MIPOL1: variants seen among roughly 807,000 people sequenced by gnomAD.
The protein encoded by MIPOL1 is mirror-image polydactyly gene 1 protein.
In MIPOL1, 57 loss-of-function variants were observed where a neutral mutation model predicts 60.9. That is an observed-to-expected ratio of 0.94 (90% CI 0.76 to 1.17). The LOEUF (loss-of-function observed/expected upper bound fraction) is 1.17, where lower values mean the gene tolerates loss of function less well. MIPOL1 is among the 50% of genes most tolerant of loss of function. The probability of loss-of-function intolerance (pLI) is 0.00; values close to 1 mark genes in which losing one functional copy is unlikely to be tolerated. For missense variants in MIPOL1, 551 were observed against 511.6 expected (o/e 1.08, Z -0.74); for synonymous variants, 179 against 168.8 (o/e 1.06, Z -0.47).
At chr14:37,382,525 T>C (rs1437653469) in intron 10 of MIPOL1, among the ~76,000 whole-genome samples, 2 of 152,060 alleles carry the variant, frequency 1.3e-5, no homozygotes, top group African/African-American at 4.8e-5. Context: ...CAAACTAATC[T>C]TTATTTTAAT....
chr14:37,307,996 C>A, intron 7 of MIPOL1, 60 bp from the exon 8 acceptor site: 1 of 1,404,022 alleles, frequency 7.1e-7, no homozygotes, highest in Non-Finnish European at 9.9e-7. Context: ...AAAAAGCGAA[C>A]TCATTTTGCT....
At chr14:37,287,939 C>T (rs1002612171) in intron 7 of MIPOL1, among the ~76,000 whole-genome samples, 1 of 151,844 alleles carries the variant, frequency 6.6e-6, no homozygotes, top group Non-Finnish European at 1.5e-5. Flanking sequence ...AGAATTTTCT[C>T]GTAAATTGTT....
chr14:37,369,494 A>G, intron 9 of MIPOL1, 23 bp from the exon 10 acceptor site: 2 of 1,575,698 alleles, frequency 1.3e-6, no homozygotes, highest in Admixed American at 1.7e-5. Flanking sequence ...CCTTTACTTA[A>G]TGGGATTCTT....
chr14:37,293,022 T>A (rs755375023), intron 7 of MIPOL1, among the ~76,000 whole-genome samples: 2 of 152,180 alleles, frequency 1.3e-5, no homozygotes, highest in Non-Finnish European at 2.9e-5. Flanking sequence ...TATCCTAATT[T>A]CATGGGGATA....
chr14:37,495,196 T>A (rs1379938850), intron 11 of MIPOL1, among the ~76,000 whole-genome samples: 2 of 150,850 alleles, frequency 1.3e-5, no homozygotes, highest in African/African-American at 2.4e-5. Context: ...TAGTTACATA[T>A]GTATACATGT....
chr14:37,487,827 A>G (rs530004160), intron 11 of MIPOL1, among the ~76,000 whole-genome samples: 8 of 151,944 alleles, frequency 5.3e-5, no homozygotes, highest in Non-Finnish European at 8.8e-5. Flanking sequence ...CTGTGTCTCT[A>G]TCTCCTTCAG....
intron 9 of MIPOL1, among the ~76,000 whole-genome samples, chr14:37,316,704 A>G (rs2153441752): frequency 6.6e-6 from 1 of 152,000 alleles, no homozygotes; most frequent in South Asian, 2.1e-4. Context: ...GGGATAAAAA[A>G]GATAATTGCA....
At chr14:37,294,462 T>A (rs907585679) in intron 7 of MIPOL1, among the ~76,000 whole-genome samples, 2 of 152,056 alleles carry the variant, frequency 1.3e-5, no homozygotes, top group African/African-American at 4.8e-5. Flanking sequence ...GGATGGAGAA[T>A]GACTTGACGA....
intron 3 of MIPOL1, among the ~76,000 whole-genome samples, chr14:37,249,400 T>G (rs2153359431): frequency 6.6e-6 from 1 of 152,218 alleles, no homozygotes; most frequent in South Asian, 2.1e-4. Context: ...TTATACATTC[T>G]TTTGAGTTAT....
chr14:37,497,141 A>G (rs1460905612), intron 11 of MIPOL1, among the ~76,000 whole-genome samples: 1 of 152,166 alleles, frequency 6.6e-6, no homozygotes, highest in Admixed American at 6.5e-5. Flanking sequence ...ACAAAAATCA[A>G]TTCAAGATGG....
intron 12 of MIPOL1, among the ~76,000 whole-genome samples, chr14:37,515,077 T>C (rs1038105725): frequency 6.6e-6 from 1 of 152,188 alleles, no homozygotes; most frequent in African/African-American, 2.4e-5. Context: ...GAAGAATCCT[T>C]TGCTTGTTTC....
chr14:37,475,505 G>A (rs570539605), intron 11 of MIPOL1, among the ~76,000 whole-genome samples: 14 of 151,966 alleles, frequency 9.2e-5, no homozygotes, highest in African/African-American at 3.4e-4. Flanking sequence ...CAAGCCCAAG[G>A]TCACCTAGAT....
intron 11 of MIPOL1, among the ~76,000 whole-genome samples, chr14:37,471,076 G>T (rs942488126): frequency 6.6e-6 from 1 of 152,148 alleles, no homozygotes; most frequent in Non-Finnish European, 1.5e-5. Flanking sequence ...AACTGCACAT[G>T]TACTCACTGA....
chr14:37,362,934 C>G (rs1054584149), intron 9 of MIPOL1, among the ~76,000 whole-genome samples: 1 of 152,170 alleles, frequency 6.6e-6, no homozygotes, highest in South Asian at 2.1e-4. Flanking sequence ...TCACGACATT[C>G]TTGTGCCATG....
At chr14:37,252,434 G>C (rs1974263881) in intron 3 of MIPOL1, among the ~76,000 whole-genome samples, 1 of 151,820 alleles carries the variant, frequency 6.6e-6, no homozygotes, top group Admixed American at 6.6e-5. Flanking sequence ...AAAAACAGTT[G>C]TCTTCTTCCT....
Position 37,521,893 on chromosome 14 carries a change from A to AAATAT in MIPOL1, c.1262+21756_1262+21757insATATA, listed in dbSNP as rs371492296. 5.4e-4 allele frequency among the ~76,000 whole-genome samples: 67 copies of AAATAT among 123,564 alleles called. 2 individuals are homozygous for AAATAT. Among genetic ancestry groups the AAATAT allele is most frequent in the African/African-American group, 1.5e-3 (50 of 32,674 alleles). 81.1% of individuals were successfully genotyped at this position (123,564 alleles called of 152,430 possible). A position where few individuals can be genotyped will look rare whatever the true frequency, so the allele number is the denominator to read the frequency against. ...CCAAGACTTTATCTAAAGAAAAAAA[A>AAATAT]ATATATATATATATATATTTTTTTT... On this transcript the variant is annotated intron_variant, in intron 12 of 12. Coordinates refer to ENST00000684589, the MANE Select transcript of MIPOL1 (RefSeq NM_001388067.1).
intron 1 of MIPOL1, among the ~76,000 whole-genome samples, chr14:37,202,430 T>C (rs1289014498): frequency 1.3e-5 from 2 of 151,996 alleles, no homozygotes; most frequent in African/African-American, 4.8e-5. Context: ...ATGACTAATG[T>C]AAATACCTTC....
At chr14:37,413,440 C>A (rs2093711878) in intron 10 of MIPOL1, among the ~76,000 whole-genome samples, 1 of 152,162 alleles carries the variant, frequency 6.6e-6, no homozygotes, top group Admixed American at 6.5e-5. Flanking sequence ...CCAGTTTAAT[C>A]TTTCCTACAC....
At chr14:37,299,376 A>T (rs888513855) in intron 7 of MIPOL1, among the ~76,000 whole-genome samples, 1 of 152,152 alleles carries the variant, frequency 6.6e-6, no homozygotes, top group Admixed American at 6.5e-5. Context: ...CCAACATGGC[A>T]CATGTATACA....
Sources: allele counts gnomAD v4.1 joint callset (sites outside exome capture counted in the v4.1 genomes callset), GRCh38; gene constraint gnomAD v4.1.1; transcripts MANE v1.5; gene names NCBI Gene and HGNC (gene_info 2026-07-23, HGNC 2026-07-21).